REEP5: variants seen among roughly 807,000 people sequenced by gnomAD.
REEP5 encodes receptor accessory protein 5, also known as receptor expression-enhancing protein 5.
In REEP5, 24 loss-of-function variants were observed where a neutral mutation model predicts 22.4. The observed-to-expected ratio is 1.07, with a 90% confidence interval of 0.78 to 1.51. The LOEUF (loss-of-function observed/expected upper bound fraction) is 1.51, where lower values mean the gene tolerates loss of function less well. REEP5 is among the 40% of genes most tolerant of loss of function. The pLI is 0.00. For synonymous variants in REEP5, 103 were observed against 88.6 expected, an observed-to-expected ratio of 1.16 and a Z score of -0.92; for missense variants, 252 against 233.0, an observed-to-expected ratio of 1.08 and a Z score of -0.53.
At chr5:112,892,387 C>T (rs777514138) in intron 3 of REEP5, 1 of 1,614,066 alleles carries the variant, frequency 6.2e-7, no homozygotes, top group East Asian at 2.2e-5. Context: ...GGATGTGTTG[C>T]CCGAGTTCAA....
In REEP5 at chr5:112,877,930, A is replaced by AGAT. The variant is rs1176660044; in HGVS notation, c.*853_*855dup. ...TAGACAAATATGTAAAGTTTATAGCAGATAAGACAGTATTACTAGTTTTTC... is the reference window on the plus strand; with the variant it reads ...TAGACAAATATGTAAAGTTTATAGCAGATGATAAGACAGTATTACTAGTTTTTC... On this transcript the variant is annotated 3_prime_UTR_variant, in exon 5 of 5. Transcript: ENST00000379638. The AGAT allele has an allele frequency of 1.3e-5, 2 of 152,108 alleles. No individual in the cohort carries two copies. Among genetic ancestry groups the AGAT allele is most frequent in the Admixed American group, 6.6e-5 (1 of 15,266 alleles). 9.4% of individuals were successfully genotyped at this position (152,108 alleles called of 1,614,324 possible).
chr5:112,909,467 G>A (rs546833737), intron 2 of REEP5, among the ~76,000 whole-genome samples: 2 of 151,794 alleles, frequency 1.3e-5, no homozygotes, highest in Non-Finnish European at 2.9e-5. Context: ...AAGGCTAAAA[G>A]GAGATTAGAG....
intron 3 of REEP5, among the ~76,000 whole-genome samples, chr5:112,898,538 T>G (rs1054717183): frequency 1.3e-4 from 20 of 152,186 alleles, no homozygotes; most frequent in African/African-American, 4.8e-4. Context: ...TGAACTCCAT[T>G]AGCAGAGGTG....
chr5:112,917,206 C>G (rs1376219567), intron 2 of REEP5, among the ~76,000 whole-genome samples: 1 of 152,246 alleles, frequency 6.6e-6, no homozygotes, highest in Non-Finnish European at 1.5e-5. Flanking sequence ...TGTGGGCCAT[C>G]ATGCCCCGCC....
intron 2 of REEP5, among the ~76,000 whole-genome samples, chr5:112,914,823 G>C (rs991188633): frequency 1.3e-5 from 2 of 152,286 alleles, no homozygotes; most frequent in South Asian, 2.1e-4. Context: ...ACATGACTCA[G>C]AGTGACTGAT....
chr5:112,878,763 A>C lies in REEP5; in HGVS notation c.*23T>G. The stretch of plus-strand genomic sequence containing the variant: ...TCCAGTAGGAAGGTACAGAGAGGGC[A>C]GGAAGTTTCCATCCAGTCTGGTTTA... On this transcript the variant is annotated 3_prime_UTR_variant, in exon 5 of 5. Transcript: ENST00000379638. The C allele has an allele frequency of 1.2e-6, 2 of 1,614,132 alleles. No homozygotes were observed. The highest frequency in any genetic ancestry group is 1.7e-5 in the Admixed American group (1 of 60,000).
At position 112,906,523 on chromosome 5, in the gene REEP5, T is replaced by C. The variant is rs558956465; in HGVS notation, c.213-4005A>G. ...TTAAACTGGCCACAGAGCAGAAAAATAGGAGGCAGGGTCATAGTCTCAGTG... is the reference window on the plus strand; with the variant it reads ...TTAAACTGGCCACAGAGCAGAAAAACAGGAGGCAGGGTCATAGTCTCAGTG... On this transcript the variant is annotated intron_variant, in intron 2 of 4. Coordinates refer to ENST00000379638, the MANE Select transcript of REEP5 (RefSeq NM_005669.5). 2.3e-4 allele frequency among the ~76,000 whole-genome samples: 35 copies of C among 151,854 alleles called. No individual in the cohort carries two copies. In the South Asian group the frequency reaches 6.7e-3, roughly 29 times the overall value.
chr5:112,907,441 T>G (rs1481593653), intron 2 of REEP5, among the ~76,000 whole-genome samples: 3 of 152,190 alleles, frequency 2.0e-5, no homozygotes, highest in Non-Finnish European at 4.4e-5. Flanking sequence ...TTCTCTCTCC[T>G]GAGCCACCTA....
chr5:112,912,648 T>C (rs1769129790), intron 2 of REEP5, among the ~76,000 whole-genome samples: 2 of 152,078 alleles, frequency 1.3e-5, no homozygotes, highest in Non-Finnish European at 2.9e-5. Context: ...ATGAAGAACA[T>C]GGACCATAAT....
At position 112,878,469 on chromosome 5, in the gene REEP5, T is replaced by TAC; in HGVS notation, c.*315_*316dup. The TAC allele has an allele frequency of 3.2e-6, 1 of 310,048 alleles. No individual in the cohort carries two copies. The highest frequency in any genetic ancestry group is 5.9e-6 in the Non-Finnish European group (1 of 168,844). 19.2% of individuals were successfully genotyped at this position (310,048 alleles called of 1,614,324 possible). A position where few individuals can be genotyped will look rare whatever the true frequency, so the allele number is the denominator to read the frequency against. On this transcript the variant is annotated 3_prime_UTR_variant, in exon 5 of 5. Transcript: ENST00000379638. Reference sequence around the variant, plus strand: ...TGCGTGCAGGGAGAGCCCAGTAAAGTACACAGCCTGTGGGGTATATAATTT... The same window carrying TAC: ...TGCGTGCAGGGAGAGCCCAGTAAAGTACACACAGCCTGTGGGGTATATAATTT...
chr5:112,919,497 T>A (rs1769303919), intron 2 of REEP5, among the ~76,000 whole-genome samples: 1 of 152,082 alleles, frequency 6.6e-6, no homozygotes, highest in South Asian at 2.1e-4. Flanking sequence ...CGGCCAGGGA[T>A]GGCGGTTGCA....
chr5:112,879,735 C>G (rs1292454339), intron 4 of REEP5, among the ~76,000 whole-genome samples: 2 of 152,158 alleles, frequency 1.3e-5, no homozygotes, highest in South Asian at 4.1e-4. Flanking sequence ...CTTGGCCTCC[C>G]AAAGTGCTGG....
At chr5:112,885,795 G>C (rs931197148) in intron 4 of REEP5, 1 of 235,576 alleles carries the variant, frequency 4.2e-6, no homozygotes, top group African/African-American at 2.4e-5. Flanking sequence ...GAGACAGAGA[G>C]CCAAGCTAAT....
At chr5:112,894,569 G>A (rs915708897) in intron 3 of REEP5, 7 of 152,180 alleles carry the variant, frequency 4.6e-5, no homozygotes, top group Non-Finnish European at 8.8e-5. Context: ...ATCCTTGGTG[G>A]ACATTTTGAA....
intron 1 of REEP5, 172 bp downstream of exon 1, chr5:112,921,901 T>C: frequency 1.3e-6 from 1 of 775,594 alleles, no homozygotes; most frequent in Non-Finnish European, 1.9e-6. Flanking sequence ...CCCCGCGGGG[T>C]CCTCCGATGC....
rs560202484 is a variant in REEP5 at position 112,891,749 on chromosome 5, G to A, written c.352-4566C>T. 238 of 1,614,056 alleles carry A rather than the reference G, an allele frequency of 1.5e-4. No homozygotes were observed. The African/African-American group carries it at 2.3e-3, about 15-fold the overall frequency. On this transcript the variant is annotated intron_variant, in intron 3 of 4. Transcript: ENST00000379638. Reference sequence around the variant, plus strand: ...AAGAAGGAGAAACGAAAGAAACGTCGGCAGGAACTTGCTCGACTGAGAGAC... The same window carrying A: ...AAGAAGGAGAAACGAAAGAAACGTCAGCAGGAACTTGCTCGACTGAGAGAC...
At chr5:112,882,735 C>T (rs1768119154) in intron 4 of REEP5, among the ~76,000 whole-genome samples, 1 of 152,170 alleles carries the variant, frequency 6.6e-6, no homozygotes, top group Non-Finnish European at 1.5e-5. Flanking sequence ...CATGATAGCC[C>T]ACGAAATTTA....
In REEP5 at chr5:112,876,549, A is replaced by C. The variant is rs1767900798; in HGVS notation, c.*2237T>G. 1 of 152,222 alleles carries C rather than the reference A, an allele frequency of 6.6e-6. No homozygotes were observed. Among genetic ancestry groups the C allele is most frequent in the Non-Finnish European group, 1.5e-5 (1 of 68,026 alleles). The allele number at this position is 152,222 out of a possible 1,614,324, so 9.4% of individuals were successfully genotyped here. The stretch of plus-strand genomic sequence containing the variant: ...GTTGATCCAAATGATTGAAGCCTTC[A>C]GGTAAGGGAATAACTGCTGCAGGAA... On this transcript the variant is annotated 3_prime_UTR_variant, in exon 5 of 5. Transcript: ENST00000379638.
chr5:112,920,267 C>T (rs1769326524), intron 2 of REEP5, among the ~76,000 whole-genome samples: 1 of 152,190 alleles, frequency 6.6e-6, no homozygotes, highest in South Asian at 2.1e-4. Flanking sequence ...GTGACAGATA[C>T]AAGCTGTAAT....
Sources: gnomAD v4.1 joint callset for allele counts (sites outside exome capture counted in the v4.1 genomes callset) on GRCh38, gnomAD v4.1.1 for gene constraint, MANE v1.5 for transcripts, NCBI Gene and HGNC (gene_info 2026-07-23, HGNC 2026-07-21) for gene names.